CNTNAP2: variants seen among roughly 807,000 people sequenced by gnomAD.
CNTNAP2 encodes contactin-associated protein-like 2.
A neutral mutation model predicts 155.2 loss-of-function variants in CNTNAP2; 98 were observed. That is an observed-to-expected ratio of 0.63 (90% CI 0.54 to 0.75). The LOEUF is 0.75. CNTNAP2 is among the 30% of genes least tolerant of loss of function. The pLI, the probability that CNTNAP2 is intolerant of heterozygous loss-of-function variation, is 0.00. For missense variants in CNTNAP2, 1,727 were observed against 1,688.1 expected, an observed-to-expected ratio of 1.02 and a Z score of -0.40; for synonymous variants, 651 against 631.2, an observed-to-expected ratio of 1.03 and a Z score of -0.47.
intron 2 of CNTNAP2, among the ~76,000 whole-genome samples, chr7:146,825,660 A>C (rs549356019): frequency 2.4e-4 from 37 of 152,174 alleles, no homozygotes; most frequent in Non-Finnish European, 2.9e-5. Context: ...AAATATGAAA[A>C]GTGGAGATAC....
chr7:147,775,560 C>T (rs936498233), intron 13 of CNTNAP2, among the ~76,000 whole-genome samples: 1 of 150,032 alleles, frequency 6.7e-6, no homozygotes, highest in Non-Finnish European at 1.5e-5. Flanking sequence ...AGAATTAATG[C>T]TACTCAGAAT....
At chr7:147,695,801 C>CA (rs1018482811) in intron 13 of CNTNAP2, among the ~76,000 whole-genome samples, 49 of 151,162 alleles carry the variant, frequency 3.2e-4, no homozygotes, top group African/African-American at 5.3e-4. Flanking sequence ...GACTCCATCT[C>CA]AAAAAAAATA....
chr7:146,221,935 A>G (rs992495133), intron 1 of CNTNAP2, among the ~76,000 whole-genome samples: 1 of 152,210 alleles, frequency 6.6e-6, no homozygotes, highest in East Asian at 1.9e-4. Context: ...TCATTTATGT[A>G]TCCTCAGTGC....
chr7:147,775,403 T>TTTATATATATTTATAAA (rs1797568757), intron 13 of CNTNAP2, among the ~76,000 whole-genome samples: 2 of 81,014 alleles, frequency 2.5e-5, no homozygotes, highest in Non-Finnish European at 5.1e-5. Flanking sequence ...ATATATATAT[T>TTTATATATATTTATAAA]TATATATATA....
At chr7:147,638,407 C>T (rs1355827702) in intron 12 of CNTNAP2, among the ~76,000 whole-genome samples, 2 of 152,178 alleles carry the variant, frequency 1.3e-5, no homozygotes, top group African/African-American at 4.8e-5. Flanking sequence ...AATTAGATAA[C>T]ATTATCTTAG....
At chr7:146,337,251 ATT>A (rs778836471) in intron 1 of CNTNAP2, among the ~76,000 whole-genome samples, 10 of 151,726 alleles carry the variant, frequency 6.6e-5, no homozygotes, top group Non-Finnish European at 1.5e-4. Context: ...ATATGTACAA[ATT>A]TGGGTCCTCT....
At chr7:146,308,393 G>A (rs574831477) in intron 1 of CNTNAP2, among the ~76,000 whole-genome samples, 3 of 152,150 alleles carry the variant, frequency 2.0e-5, no homozygotes, top group Admixed American at 2.0e-4. Context: ...TTGTAAACTA[G>A]TTCAACCATT....
intron 7 of CNTNAP2, among the ~76,000 whole-genome samples, chr7:147,131,677 A>G (rs911518470): frequency 1.3e-5 from 2 of 152,122 alleles, no homozygotes; most frequent in African/African-American, 4.8e-5. Flanking sequence ...AATTACATTA[A>G]TGCTGAAAAC....
At chr7:146,395,779 T>TGATAGAGAGATAGATAGATAGATA (rs1554427704) in intron 1 of CNTNAP2, among the ~76,000 whole-genome samples, 1 of 122,024 alleles carries the variant, frequency 8.2e-6, no homozygotes, top group Non-Finnish European at 1.7e-5. Flanking sequence ...GATAGACAGA[T>TGATAGAGAGATAGATAGATAGATA]GATAGATAGA....
chr7:147,753,002 A>G (rs781388515), intron 13 of CNTNAP2, among the ~76,000 whole-genome samples: 21 of 152,200 alleles, frequency 1.4e-4, no homozygotes, highest in Admixed American at 3.3e-4. Flanking sequence ...ACTATGATAA[A>G]TGTAGTGTTT....
intron 1 of CNTNAP2, among the ~76,000 whole-genome samples, chr7:146,721,889 A>ATATATATATATATATATATTTTTT: frequency 1.4e-5 from 1 of 69,736 alleles, no homozygotes; most frequent in African/African-American, 1.9e-4. Flanking sequence ...ATATATATAT[A>ATATATATATATATATATATTTTTT]TTTTTTTTTT....
chr7:148,002,943 C>A (rs996371677), intron 15 of CNTNAP2, among the ~76,000 whole-genome samples: 1 of 152,086 alleles, frequency 6.6e-6, no homozygotes, highest in Non-Finnish European at 1.5e-5. Flanking sequence ...CAGTTGAACA[C>A]AAAAAGGCCA....
intron 8 of CNTNAP2, among the ~76,000 whole-genome samples, chr7:147,293,283 G>A (rs35433291): frequency 0.034 from 5,225 of 152,040 alleles, 123 homozygotes; most frequent in Non-Finnish European, 0.052. Context: ...CTTTTTACAT[G>A]TTTTATCTGA....
intron 21 of CNTNAP2, among the ~76,000 whole-genome samples, chr7:148,275,914 G>A (rs1796863296): frequency 1.3e-5 from 2 of 152,174 alleles, no homozygotes; most frequent in African/African-American, 2.4e-5. Flanking sequence ...AACATGCCAT[G>A]GGAGTTACGG....
chr7:148,317,355 C>CA (rs113690836), intron 21 of CNTNAP2, among the ~76,000 whole-genome samples: 31,550 of 146,546 alleles, frequency 0.22, 3,765 homozygotes, highest in Middle Eastern at 0.3. Context: ...AACTCCATCT[C>CA]AAAAAAAAAA....
chr7:146,379,800 C>T (rs989842656), intron 1 of CNTNAP2, among the ~76,000 whole-genome samples: 3 of 151,974 alleles, frequency 2.0e-5, no homozygotes, highest in African/African-American at 4.8e-5. Context: ...ATTTGGGTCA[C>T]GTCCTGAGAT....
chr7:148,199,514 G>A (rs954981235), intron 18 of CNTNAP2, among the ~76,000 whole-genome samples: 9 of 152,156 alleles, frequency 5.9e-5, no homozygotes, highest in Non-Finnish European at 7.3e-5. Flanking sequence ...TCGAAAACAC[G>A]TCTCCAAAGG....
At chr7:147,687,833 C>T (rs2116987536) in intron 13 of CNTNAP2, among the ~76,000 whole-genome samples, 1 of 152,244 alleles carries the variant, frequency 6.6e-6, no homozygotes, top group East Asian at 1.9e-4. Flanking sequence ...TAAGAGTGAA[C>T]TCTCACCTTC....
chr7:148,010,693 G>A (rs1194261102), intron 15 of CNTNAP2, among the ~76,000 whole-genome samples: 2 of 150,622 alleles, frequency 1.3e-5, no homozygotes, highest in Non-Finnish European at 3.0e-5. Flanking sequence ...TTATTTTTTA[G>A]AGTCAATTTA....
Sources: gnomAD v4.1 joint callset for allele counts (sites outside exome capture counted in the v4.1 genomes callset) on GRCh38, gnomAD v4.1.1 for gene constraint, MANE v1.5 for transcripts, NCBI Gene and HGNC (gene_info 2026-07-23, HGNC 2026-07-21) for gene names.